Variants in PCDH15 observed in about 807,000 individuals in gnomAD.
PCDH15 encodes protocadherin-15.
Under a neutral mutation model 178.5 loss-of-function variants are expected in PCDH15, and 129 were observed. The observed-to-expected ratio is 0.72, with a 90% CI of 0.63 to 0.84. PCDH15 has a LOEUF of 0.84. PCDH15 is among the 40% of genes least tolerant of loss of function. The pLI is 0.00. For synonymous variants in PCDH15, 800 were observed against 732.0 expected (o/e 1.09, Z -1.50); for missense variants, 2,230 against 2,099.9 (o/e 1.06, Z -1.21).
intron 1 of PCDH15, among the ~76,000 whole-genome samples, chr10:55,198,490 AT>A (rs1312722869): frequency 6.6e-6 from 1 of 151,948 alleles, no homozygotes; most frequent in Non-Finnish European, 1.5e-5. Context: ...TTATTTATTT[AT>A]TTTATTATTT....
intron 3 of PCDH15, among the ~76,000 whole-genome samples, chr10:54,894,028 C>T (rs1397398257): frequency 6.6e-6 from 1 of 152,052 alleles, no homozygotes; most frequent in African/African-American, 2.4e-5. Flanking sequence ...TATTATAATA[C>T]ATTATCAATT....
chr10:54,259,573 C>G (rs777361662), intron 8 of PCDH15, among the ~76,000 whole-genome samples: 2 of 152,086 alleles, frequency 1.3e-5, no homozygotes, highest in East Asian at 3.8e-4. Context: ...TGGAATAGTT[C>G]TTGAGTAAAA....
At chr10:54,023,623 A>G (rs74136913) in intron 18 of PCDH15, among the ~76,000 whole-genome samples, 18,293 of 148,756 alleles carry the variant, frequency 0.12, 2,289 homozygotes, top group African/African-American at 0.31. Context: ...TATGTTTAGT[A>G]ATAATGTTAC....
At chr10:54,150,226 C>T (rs1016710320) in intron 14 of PCDH15, among the ~76,000 whole-genome samples, 7 of 151,842 alleles carry the variant, frequency 4.6e-5, no homozygotes, top group African/African-American at 9.7e-5. Context: ...TTTTTTGACA[C>T]GAGATTCAAA....
At chr10:54,398,292 T>C (rs933806750) in intron 3 of PCDH15, among the ~76,000 whole-genome samples, 1 of 151,956 alleles carries the variant, frequency 6.6e-6, no homozygotes, top group Non-Finnish European at 1.5e-5. Flanking sequence ...TTAAGTGATC[T>C]ATATTATCCT....
chr10:54,118,915 C>G (rs1369384552), intron 15 of PCDH15, among the ~76,000 whole-genome samples: 1 of 151,842 alleles, frequency 6.6e-6, no homozygotes, highest in African/African-American at 2.4e-5. Flanking sequence ...GAAGAATACC[C>G]CAGATCCTGG....
intron 2 of PCDH15, among the ~76,000 whole-genome samples, chr10:55,083,529 A>G (rs1017731861): frequency 6.6e-6 from 1 of 151,864 alleles, no homozygotes; most frequent in Admixed American, 6.6e-5. Flanking sequence ...TATGTTCACT[A>G]TTGCTATTTC....
intron 1 of PCDH15, among the ~76,000 whole-genome samples, chr10:54,756,056 AACACAC>A (rs71014414): frequency 0.012 from 892 of 71,722 alleles, 11 homozygotes; most frequent in East Asian, 0.016. Flanking sequence ...CTCTACTAAA[AACACAC>A]ACACACACAC....
At chr10:54,014,965 A>G (rs146609666) in intron 20 of PCDH15, among the ~76,000 whole-genome samples, 433 of 152,248 alleles carry the variant, frequency 2.8e-3, no homozygotes, top group African/African-American at 9.8e-3. Flanking sequence ...GAGGATGTCA[A>G]ACTACCCCTG....
At chr10:54,712,833 A>C (rs1291626254) in intron 1 of PCDH15, among the ~76,000 whole-genome samples, 1 of 152,022 alleles carries the variant, frequency 6.6e-6, no homozygotes, top group Non-Finnish European at 1.5e-5. Context: ...TCATGTCCTA[A>C]ATTTTAATTA....
intron 2 of PCDH15, among the ~76,000 whole-genome samples, chr10:55,350,268 T>TATATAC (rs1327352441): frequency 1.3e-3 from 76 of 56,690 alleles, no homozygotes; most frequent in East Asian, 6.3e-3. Flanking sequence ...TATATATATA[T>TATATAC]ACACACACAC....
intron 18 of PCDH15, among the ~76,000 whole-genome samples, chr10:54,046,315 A>G (rs923395560): frequency 6.6e-6 from 1 of 152,188 alleles, no homozygotes; most frequent in African/African-American, 2.4e-5. Context: ...ACTCAGGCAC[A>G]TGAGCGCCAG....
chr10:54,537,190 G>A (rs999180308), intron 2 of PCDH15, among the ~76,000 whole-genome samples: 3 of 151,766 alleles, frequency 2.0e-5, no homozygotes, highest in East Asian at 3.9e-4. Context: ...CAGTAGAGAC[G>A]GGGTTTCACC....
chr10:54,204,757 A>C (rs1474006915), intron 10 of PCDH15, among the ~76,000 whole-genome samples: 1 of 152,100 alleles, frequency 6.6e-6, no homozygotes, highest in East Asian at 1.9e-4. Context: ...CAACATTATG[A>C]AGATACGTGA....
chr10:55,306,909 C>A (rs78454474), intron 1 of PCDH15, among the ~76,000 whole-genome samples: 136 of 151,956 alleles, frequency 8.9e-4, no homozygotes, highest in Non-Finnish European at 1.5e-3. Flanking sequence ...TTCTTGAAGA[C>A]GTGGGAAAAG....
chr10:55,236,701 G>A (rs943218475), intron 1 of PCDH15, among the ~76,000 whole-genome samples: 1 of 151,902 alleles, frequency 6.6e-6, no homozygotes, highest in African/African-American at 2.4e-5. Context: ...CCTATTAAAT[G>A]TACCTAGCTT....
intron 25 of PCDH15, among the ~76,000 whole-genome samples, chr10:53,912,829 A>G (rs936556377): frequency 1.3e-5 from 2 of 152,216 alleles, no homozygotes; most frequent in African/African-American, 4.8e-5. Flanking sequence ...ATGCTCATGG[A>G]TAGGAAGAAT....
At position 54,289,024 on chromosome 10, in the gene PCDH15, T is replaced by C. The variant is rs1209506315; in HGVS notation, c.876+28247A>G. Among the ~76,000 whole-genome samples the C allele has an allele frequency of 2.0e-5, 3 of 152,232 alleles. No homozygotes were observed. In the East Asian group the frequency reaches 5.8e-4, roughly 29 times the overall value. On this transcript the variant is annotated intron_variant, in intron 8 of 37. Coordinates refer to ENST00000644397, the MANE Select transcript of PCDH15 (RefSeq NM_001384140.1). Reference sequence around the variant, plus strand: ...GAAGAGAGCAGTTGTTCTCCCAGCATGGCATTTGGGATCTGAGAACTAATA... The same window carrying C: ...GAAGAGAGCAGTTGTTCTCCCAGCACGGCATTTGGGATCTGAGAACTAATA...
intron 8 of PCDH15, among the ~76,000 whole-genome samples, chr10:54,276,314 C>T (rs1209274442): frequency 1.3e-5 from 2 of 151,396 alleles, no homozygotes; most frequent in Non-Finnish European, 3.0e-5. Flanking sequence ...GACACACAAC[C>T]CTATAGAAAA....
Sources: allele counts gnomAD v4.1 joint callset (sites outside exome capture counted in the v4.1 genomes callset), GRCh38; gene constraint gnomAD v4.1.1; transcripts MANE v1.5; gene names NCBI Gene and HGNC (gene_info 2026-07-23, HGNC 2026-07-21).